Variants in RPSA2 observed in about 807,000 individuals in gnomAD.
RPSA2 encodes the protein ribosomal protein SA 2.
At chr19:23,863,400 C>T in the RPSA2 span, among the ~76,000 whole-genome samples, 3 of 151,988 alleles carry the variant, frequency 2.0e-5, no homozygotes, top group East Asian at 1.9e-4. Flanking sequence ...CCTATCTCTG[C>T]TACAAATACA....
the RPSA2 span, among the ~76,000 whole-genome samples, chr19:23,760,875 G>T: frequency 6.6e-6 from 1 of 151,200 alleles, no homozygotes; most frequent in Non-Finnish European, 1.5e-5. Flanking sequence ...ATTTTGGGCA[G>T]GCTGGTCTCG....
At chr19:23,773,073 CTGTGTGTAT>C in the RPSA2 span, among the ~76,000 whole-genome samples, 2 of 656 alleles carry the variant, frequency 3.0e-3, no homozygotes, top group East Asian at 0.12. Context: ...CCGTCTCCTC[CTGTGTGTAT>C]GTGTGTGTAT....
the RPSA2 span, among the ~76,000 whole-genome samples, chr19:23,863,075 T>A: frequency 7.9e-5 from 12 of 152,118 alleles, no homozygotes; most frequent in African/African-American, 2.9e-4. Flanking sequence ...ATCTTAAGAC[T>A]TCTGCTTCTA....
chr19:23,799,893 C>T, the RPSA2 span, among the ~76,000 whole-genome samples: 1 of 152,216 alleles, frequency 6.6e-6, no homozygotes, highest in Non-Finnish European at 1.5e-5. Flanking sequence ...CTATGTATGA[C>T]ATGGTGCTGT....
At chr19:23,821,564 G>A in the RPSA2 span, among the ~76,000 whole-genome samples, 1 of 152,302 alleles carries the variant, frequency 6.6e-6, no homozygotes, top group South Asian at 2.1e-4. Context: ...AACCCGGTTG[G>A]TCCTAGTCCT....
At chr19:23,867,347 T>C in the RPSA2 span, among the ~76,000 whole-genome samples, 124 of 152,350 alleles carry the variant, frequency 8.1e-4, no homozygotes, top group African/African-American at 2.8e-3. Flanking sequence ...TCCAGCCTTA[T>C]GTTGCAAATA....
the RPSA2 span, among the ~76,000 whole-genome samples, chr19:23,802,188 G>A: frequency 6.6e-6 from 1 of 152,124 alleles, no homozygotes; most frequent in Non-Finnish European, 1.5e-5. Context: ...TCTGTGAGAG[G>A]CTACAGGTTT....
the RPSA2 span, among the ~76,000 whole-genome samples, chr19:23,845,824 T>C: frequency 6.6e-6 from 1 of 150,692 alleles, no homozygotes; most frequent in Non-Finnish European, 1.5e-5. Flanking sequence ...ACAGTGACTG[T>C]TTGGGATCAT....
At chr19:23,844,939 C>T in the RPSA2 span, among the ~76,000 whole-genome samples, 1 of 149,394 alleles carries the variant, frequency 6.7e-6, no homozygotes, top group South Asian at 2.1e-4. Context: ...CTCAATCATG[C>T]TACTCATTAT....
At chr19:23,827,406 C>T in the RPSA2 span, 1 of 1,454,872 alleles carries the variant, frequency 6.9e-7, no homozygotes, top group South Asian at 1.1e-5. Context: ...TCCAGGAATA[C>T]TGGCCAGAGG....
chr19:23,767,912 G>A, the RPSA2 span, among the ~76,000 whole-genome samples: 5 of 151,622 alleles, frequency 3.3e-5, no homozygotes, highest in East Asian at 1.9e-4. Flanking sequence ...GATTACAGGC[G>A]CCCACCAGCA....
At chr19:23,779,163 G>A in the RPSA2 span, among the ~76,000 whole-genome samples, 1 of 151,932 alleles carries the variant, frequency 6.6e-6, no homozygotes, top group Non-Finnish European at 1.5e-5. Context: ...ACCACACCCG[G>A]CTAATTTTTT....
chr19:23,784,037 G>T, the RPSA2 span, among the ~76,000 whole-genome samples: 6 of 152,146 alleles, frequency 3.9e-5, no homozygotes, highest in African/African-American at 1.4e-4. Context: ...TGACTCTTGT[G>T]TTTGTTCTCT....
At chr19:23,838,007 C>G in the RPSA2 span, among the ~76,000 whole-genome samples, 1 of 152,186 alleles carries the variant, frequency 6.6e-6, no homozygotes, top group Admixed American at 6.5e-5. Context: ...GAGTGGGCAC[C>G]CTTGTCTTGT....
At chr19:23,869,655 A>G in the RPSA2 span, among the ~76,000 whole-genome samples, 2 of 152,166 alleles carry the variant, frequency 1.3e-5, no homozygotes, top group African/African-American at 4.8e-5. Context: ...CCGGGATCCA[A>G]TCCCAGTCTG....
the RPSA2 span, among the ~76,000 whole-genome samples, chr19:23,764,933 C>T: frequency 6.6e-6 from 1 of 152,110 alleles, no homozygotes; most frequent in Admixed American, 6.6e-5. Context: ...TTAGTCTATT[C>T]TTGGTAATGA....
the RPSA2 span, among the ~76,000 whole-genome samples, chr19:23,781,876 G>A: frequency 1.3e-5 from 2 of 152,172 alleles, no homozygotes; most frequent in African/African-American, 2.4e-5. Context: ...CCAGTTCACA[G>A]TGCTGTATCA....
At chr19:23,849,829 T>C in the RPSA2 span, among the ~76,000 whole-genome samples, 428 of 152,280 alleles carry the variant, frequency 2.8e-3, 1 homozygote, top group Middle Eastern at 6.8e-3. Context: ...TCTTCCCAAA[T>C]TAAAGTTTCA....
chr19:23,837,921 C>T, the RPSA2 span, among the ~76,000 whole-genome samples: 1 of 152,034 alleles, frequency 6.6e-6, no homozygotes, highest in African/African-American at 2.4e-5. Flanking sequence ...TTCCTGTTTA[C>T]TGATTTGGAT....
Sources: gnomAD v4.1 joint callset for allele counts (sites outside exome capture counted in the v4.1 genomes callset) on GRCh38, gnomAD v4.1.1 for gene constraint, MANE v1.5 for transcripts, NCBI Gene and HGNC (gene_info 2026-07-23, HGNC 2026-07-21) for gene names.